Variants in CDC40 observed in about 807,000 individuals in gnomAD.
CDC40 encodes the protein pre-mRNA-processing factor 17.
CDC40 carries 27 observed loss-of-function variants against 80.6 expected under a neutral mutation model. The ratio of observed to expected loss-of-function variants is 0.33; its 90% CI spans 0.25 to 0.46. The LOEUF is 0.46. CDC40 is among the 20% of genes least tolerant of loss of function. The pLI is 1.00. For missense variants in CDC40, 486 were observed against 694.1 expected, an observed-to-expected ratio of 0.70 and a Z score of 3.37; for synonymous variants, 221 against 232.6, an observed-to-expected ratio of 0.95 and a Z score of 0.45.
intron 8 of CDC40, among the ~76,000 whole-genome samples, chr6:110,213,538 C>T (rs1000539519): frequency 1.3e-5 from 2 of 152,024 alleles, no homozygotes; most frequent in African/African-American, 2.4e-5. Flanking sequence ...TACAGGCACC[C>T]ATGGTGGCTA....
intron 11 of CDC40, 120 bp downstream of exon 11, chr6:110,219,599 C>T: frequency 8.6e-7 from 1 of 1,169,354 alleles, no homozygotes; most frequent in Non-Finnish European, 1.2e-6. Context: ...ACGGCTAATG[C>T]ACCATTCTTA....
At chr6:110,229,113 A>G (rs1416320973) in intron 14 of CDC40, 137 bp downstream of exon 14, 2 of 819,702 alleles carry the variant, frequency 2.4e-6, no homozygotes, top group Non-Finnish European at 3.7e-6. Flanking sequence ...AATTGTCAAA[A>G]TGCTGGATAT....
In CDC40 at chr6:110,230,246, C is replaced by A; in HGVS notation, c.*115C>A. 1.6e-6 allele frequency: 1 copy of A among 621,288 alleles called. No homozygotes were observed. The highest frequency in any genetic ancestry group is 2.7e-6 in the Non-Finnish European group (1 of 371,636). 38.5% of individuals were successfully genotyped at this position (621,288 alleles called of 1,614,324 possible). Reference sequence around the variant, plus strand: ...TTACAGATAATGTTGATGACATTGACCCTTTGTTTAAAAAAAGAAACTGTA... The same window carrying A: ...TTACAGATAATGTTGATGACATTGAACCTTTGTTTAAAAAAAGAAACTGTA... On this transcript the variant is annotated 3_prime_UTR_variant, in exon 15 of 15. Transcript: ENST00000307731.
intron 12 of CDC40, 139 bp downstream of exon 12, chr6:110,220,008 T>G (rs1278810012): frequency 1.3e-6 from 1 of 767,228 alleles, no homozygotes; most frequent in East Asian, 2.7e-5. Context: ...TCAAACTGTT[T>G]TAACTATTTA....
At chr6:110,181,680 T>G (rs894564736) in intron 1 of CDC40, among the ~76,000 whole-genome samples, 8 of 152,350 alleles carry the variant, frequency 5.3e-5, no homozygotes, top group African/African-American at 1.9e-4. Context: ...AGTCTTCTCC[T>G]TTCACAGCTC....
chr6:110,225,706 C>T (rs1777848315), intron 12 of CDC40, among the ~76,000 whole-genome samples: 2 of 152,192 alleles, frequency 1.3e-5, no homozygotes, highest in South Asian at 4.1e-4. Flanking sequence ...AGGCTTACCT[C>T]AGACATCTTG....
intron 3 of CDC40, among the ~76,000 whole-genome samples, chr6:110,204,451 AGT>A (rs1777535635): frequency 6.6e-6 from 1 of 152,196 alleles, no homozygotes; most frequent in African/African-American, 2.4e-5. Context: ...TATGCTACAA[AGT>A]GCATTTTAAA....
chr6:110,221,797 G>T (rs186613267), intron 12 of CDC40, among the ~76,000 whole-genome samples: 1 of 151,624 alleles, frequency 6.6e-6, no homozygotes, highest in Admixed American at 6.6e-5. Flanking sequence ...GTGTATGTGG[G>T]TATTCTGAAG....
At chr6:110,190,490 G>A (rs1777332689) in intron 1 of CDC40, among the ~76,000 whole-genome samples, 2 of 152,202 alleles carry the variant, frequency 1.3e-5, no homozygotes, top group South Asian at 4.1e-4. Flanking sequence ...TTCAGAGGTA[G>A]AATCAGCAAG....
chr6:110,194,475 C>G (rs904400625), intron 2 of CDC40, among the ~76,000 whole-genome samples: 3 of 152,208 alleles, frequency 2.0e-5, no homozygotes, highest in South Asian at 2.1e-4. Flanking sequence ...ATGTGTAGCA[C>G]AGCCAGAGTT....
At chr6:110,227,415 A>G (rs1777879139) in intron 13 of CDC40, among the ~76,000 whole-genome samples, 1 of 152,214 alleles carries the variant, frequency 6.6e-6, no homozygotes. Flanking sequence ...TTATGAGAAG[A>G]GAAACCTAAC....
chr6:110,188,468 G>A (rs1330821050), intron 1 of CDC40, among the ~76,000 whole-genome samples: 1 of 152,188 alleles, frequency 6.6e-6, no homozygotes, highest in African/African-American at 2.4e-5. Flanking sequence ...TCATTCTAGG[G>A]TGATATAGAT....
At chr6:110,214,886 C>T (rs776141384) in intron 8 of CDC40, among the ~76,000 whole-genome samples, 4 of 152,104 alleles carry the variant, frequency 2.6e-5, no homozygotes, top group Non-Finnish European at 5.9e-5. Context: ...ATATACATGG[C>T]AGTTTTAATA....
At chr6:110,205,720 T>G (rs188049008) in intron 3 of CDC40, among the ~76,000 whole-genome samples, 289 of 152,338 alleles carry the variant, frequency 1.9e-3, no homozygotes, top group African/African-American at 6.4e-3. Flanking sequence ...TATGTAGACG[T>G]TAAGTCTCCT....
At chr6:110,189,941 T>TGA (rs779942609) in intron 1 of CDC40, among the ~76,000 whole-genome samples, 29 of 152,372 alleles carry the variant, frequency 1.9e-4, no homozygotes, top group Non-Finnish European at 2.9e-4. Flanking sequence ...AGGTTTTTTG[T>TGA]GACATAATTG....
At chr6:110,223,801 G>GGTTTTGTTTT (rs59654476) in intron 12 of CDC40, among the ~76,000 whole-genome samples, 29,433 of 143,190 alleles carry the variant, frequency 0.21, 3,346 homozygotes, top group Non-Finnish European at 0.26. Flanking sequence ...CAACTTGTAG[G>GGTTTTGTTTT]GTTTTGTTTT....
chr6:110,203,967 T>C (rs923340445), intron 3 of CDC40, among the ~76,000 whole-genome samples: 1 of 152,214 alleles, frequency 6.6e-6, no homozygotes, highest in Non-Finnish European at 1.5e-5. Context: ...CTCACAATAA[T>C]TATTAACATG....
At chr6:110,186,713 C>T (rs1031919701) in intron 1 of CDC40, among the ~76,000 whole-genome samples, 1 of 151,952 alleles carries the variant, frequency 6.6e-6, no homozygotes, top group Admixed American at 6.6e-5. Context: ...AGACCCGCAC[C>T]CCATTTTTTT....
chr6:110,193,306 G>T (rs367731613), intron 2 of CDC40, 38 bp downstream of exon 2: 102 of 1,203,142 alleles, frequency 8.5e-5, no homozygotes, highest in Non-Finnish European at 1.2e-4. Flanking sequence ...TTTTGCTAAA[G>T]AATTTAAATC....
Sources: gnomAD v4.1 joint callset for allele counts (sites outside exome capture counted in the v4.1 genomes callset) on GRCh38, gnomAD v4.1.1 for gene constraint, MANE v1.5 for transcripts, NCBI Gene and HGNC (gene_info 2026-07-23, HGNC 2026-07-21) for gene names.